Variants in POC1B observed in about 807,000 individuals in gnomAD.
POC1B encodes POC1 centriolar protein B.
Under a neutral mutation model 60.6 loss-of-function variants are expected in POC1B, and 44 were observed. The observed-to-expected ratio is 0.73, with a 90% CI of 0.57 to 0.93. The LOEUF (loss-of-function observed/expected upper bound fraction) is 0.93. POC1B is among the 40% of genes least tolerant of loss of function. The pLI, the probability that POC1B is intolerant of heterozygous loss-of-function variation, is 0.00. For synonymous variants in POC1B, 180 were observed against 198.9 expected, an observed-to-expected ratio of 0.90 and a Z score of 0.80; for missense variants, 555 against 572.3, an observed-to-expected ratio of 0.97 and a Z score of 0.31.
At chr12:89,523,699 A>G (rs1871137342) in intron 2 of POC1B, 1 of 1,543,876 alleles carries the variant, frequency 6.5e-7, no homozygotes, top group Non-Finnish European at 8.7e-7. Flanking sequence ...ATGCCACTGA[A>G]ATGTTAAACG....
At chr12:89,517,756 C>T (rs1422084406) in intron 2 of POC1B, among the ~76,000 whole-genome samples, 1 of 152,234 alleles carries the variant, frequency 6.6e-6, no homozygotes, top group Non-Finnish European at 1.5e-5. Context: ...GTCTCCACCA[C>T]TGGACCATGA....
chr12:89,524,113 T>G, intron 2 of POC1B: 1 of 1,614,040 alleles, frequency 6.2e-7, no homozygotes, highest in Non-Finnish European at 8.5e-7. Context: ...CGACCAGGCT[T>G]CGTTATAGAA....
At chr12:89,425,056 TAGAGA>T in intron 11 of POC1B, 100 bp downstream of exon 11, 1 of 1,158,920 alleles carries the variant, frequency 8.6e-7, no homozygotes. Context: ...TTTGCTAGTA[TAGAGA>T]AATCTCCCCT....
In POC1B at chr12:89,524,908, A is replaced by G. The variant is rs534726949; in HGVS notation, c.100+212T>C. Reference sequence around the variant, plus strand: ...GTCCGCCAGGCCCAGACCGCTGGATAGGAGGCTCTTGGCCGGGCCGGGGGC... The same window carrying G: ...GTCCGCCAGGCCCAGACCGCTGGATGGGAGGCTCTTGGCCGGGCCGGGGGC... On this transcript the variant is annotated intron_variant, in intron 2 of 11. Coordinates refer to ENST00000313546, the MANE Select transcript of POC1B (RefSeq NM_172240.3). The G allele has an allele frequency of 1.2e-4, 90 of 746,832 alleles. 1 individual carries two copies. Among genetic ancestry groups the G allele is most frequent in the Non-Finnish European group, 1.8e-4 (83 of 471,646 alleles). The allele number at this position is 746,832 out of a possible 1,614,324, so 46.3% of individuals were successfully genotyped here. A position where few individuals can be genotyped will look rare whatever the true frequency, so the allele number is the denominator to read the frequency against.
chr12:89,503,813 A>G (rs866784869), intron 2 of POC1B, among the ~76,000 whole-genome samples: 1,255 of 11,392 alleles, frequency 0.11, 86 homozygotes, highest in Non-Finnish European at 0.12. Context: ...CAGCCGCCCC[A>G]TCTGAGAAGT....
chr12:89,401,635 C>T, the POC1B span, among the ~76,000 whole-genome samples: 3 of 152,050 alleles, frequency 2.0e-5, no homozygotes, highest in Non-Finnish European at 4.4e-5. Flanking sequence ...ACAAAGATTG[C>T]TTGCCAGTTC....
intron 2 of POC1B, among the ~76,000 whole-genome samples, chr12:89,514,402 CTTTTTTTT>C (rs60679774): frequency 1.5e-3 from 102 of 67,098 alleles, no homozygotes; most frequent in Admixed American, 3.7e-3. Flanking sequence ...TCATGTATTT[CTTTTTTTT>C]TTTTTTTTTT....
chr12:89,405,960 TA>T, the POC1B span, among the ~76,000 whole-genome samples: 104 of 140,418 alleles, frequency 7.4e-4, 1 homozygote, highest in Admixed American at 2.7e-3. Flanking sequence ...TCCTATCCCT[TA>T]AAAAAAAAAA....
intron 4 of POC1B, among the ~76,000 whole-genome samples, chr12:89,486,811 G>A (rs529417126): frequency 5.3e-4 from 81 of 152,202 alleles, no homozygotes; most frequent in African/African-American, 1.2e-3. Context: ...CTCTGCTCCA[G>A]TATCACTTCC....
chr12:89,525,323 T>C lies in POC1B; in HGVS notation c.16-119A>G, dbSNP rs910183853. The C allele has an allele frequency of 2.6e-5, 37 of 1,450,756 alleles. No individual in the cohort carries two copies. The African/African-American group carries it at 4.8e-4, about 19-fold the overall frequency. The allele number at this position is 1,450,756 out of a possible 1,614,324, so 89.9% of individuals were successfully genotyped here. ...GGGAATGGCCACCCAGGCGGCGGCT[T>C]GGCTGGGCGGCGGGGCCGGGCAGCA... is the stretch of plus-strand genomic sequence containing the variant. On this transcript the variant is annotated intron_variant, in intron 1 of 11. Transcript: ENST00000313546.
chr12:89,426,278 C>G (rs1347822818), intron 10 of POC1B: 1 of 152,042 alleles, frequency 6.6e-6, no homozygotes, highest in African/African-American at 2.4e-5. Context: ...AGAGTTTCTA[C>G]TTGGAATGAT....
intron 4 of POC1B, among the ~76,000 whole-genome samples, chr12:89,480,880 A>G (rs757282767): frequency 9.3e-5 from 14 of 150,896 alleles, no homozygotes; most frequent in East Asian, 5.9e-4. Flanking sequence ...GATTACAGGC[A>G]TGAGCCACCA....
At chr12:89,411,126 T>A in the POC1B span, among the ~76,000 whole-genome samples, 1 of 152,094 alleles carries the variant, frequency 6.6e-6, no homozygotes. Flanking sequence ...AGGGAGGACA[T>A]AAACAAATGG....
intron 10 of POC1B, 53 bp from the exon 11 acceptor site, chr12:89,425,432 G>GAT: frequency 6.9e-7 from 1 of 1,442,782 alleles, no homozygotes; most frequent in East Asian, 2.3e-5. Flanking sequence ...ACTTTAAAAT[G>GAT]ATATATATAA....
At chr12:89,425,720 T>C (rs1880735212) in intron 10 of POC1B, 2 of 160,438 alleles carry the variant, frequency 1.2e-5, no homozygotes, top group South Asian at 1.9e-4. Context: ...TTAGGGTGAC[T>C]ATTATCAAAA....
At chr12:89,448,450 A>G (rs1881883237) in intron 10 of POC1B, among the ~76,000 whole-genome samples, 1 of 152,240 alleles carries the variant, frequency 6.6e-6, no homozygotes, top group Non-Finnish European at 1.5e-5. Flanking sequence ...GAACGGCAAT[A>G]ACACCATCAA....
intron 2 of POC1B, chr12:89,501,814 A>G (rs1047928333): frequency 8.8e-7 from 1 of 1,138,974 alleles, no homozygotes; most frequent in Non-Finnish European, 1.3e-6. Flanking sequence ...ATCTAAGAAT[A>G]TTGGGAAAAA....
rs1402000204 is a variant in POC1B at position 89,421,208 on chromosome 12, T to G, written c.1382A>C (p.Lys461Thr). The change falls in exon 12 of 12, where the codon AAA (lysine) becomes ACA (threonine). Residue 461 changes from lysine to threonine, a missense_variant. Lys to Thr is a moderately conservative substitution (Grantham distance 78). Coordinates refer to ENST00000313546, the MANE Select transcript of POC1B (RefSeq NM_172240.3). ...QRLTLTEDKL[K>T]DCLENQQKLF... ...CTTTTGCTGATTTTCAAGGCAGTCTTTCAGCTTATCCTCTGTCAAAGTCAG... is the reference window on the plus strand; with the variant it reads ...CTTTTGCTGATTTTCAAGGCAGTCTGTCAGCTTATCCTCTGTCAAAGTCAG... 6.2e-7 allele frequency: 1 copy of G among 1,603,996 alleles called. No homozygotes were observed. The highest frequency in any genetic ancestry group is 8.5e-7 in the Non-Finnish European group (1 of 1,172,318).
intron 1 of POC1B, chr12:89,525,610 C>T: frequency 7.8e-7 from 1 of 1,287,288 alleles, no homozygotes; most frequent in Non-Finnish European, 9.8e-7. Context: ...CGGAAACCCT[C>T]CGAGAATTCT....
Sources: gnomAD v4.1 joint callset for allele counts (sites outside exome capture counted in the v4.1 genomes callset) on GRCh38, gnomAD v4.1.1 for gene constraint, MANE v1.5 for transcripts, NCBI Gene and HGNC (gene_info 2026-07-23, HGNC 2026-07-21) for gene names.